IL1RAPL2: variants seen among roughly 807,000 people sequenced by gnomAD.
The protein encoded by IL1RAPL2 is interleukin 1 receptor accessory protein like 2, also known as X-linked interleukin-1 receptor accessory protein-like 2.
IL1RAPL2 carries 3 observed loss-of-function variants against 44.1 expected under a neutral mutation model. The observed-to-expected ratio is 0.07, with a 90% CI of 0.03 to 0.18. IL1RAPL2 has a LOEUF of 0.18. IL1RAPL2 is among the 10% of genes least tolerant of loss of function. The pLI, the probability that IL1RAPL2 is intolerant of heterozygous loss-of-function variation, is 1.00. For missense variants in IL1RAPL2, 391 were observed against 496.4 expected (o/e 0.79, Z 2.02); for synonymous variants, 181 against 178.8 (o/e 1.01, Z -0.10).
intron 6 of IL1RAPL2, among the ~76,000 whole-genome samples, chrX:105,538,014 C>A (rs1018205485): frequency 1.1e-4 from 12 of 106,035 alleles, no homozygotes; most frequent in Non-Finnish European, 1.9e-4. Context: ...CCCTTTTCTG[C>A]AATGCTAATT....
At chrX:104,923,931 C>T (rs899465725) in intron 2 of IL1RAPL2, among the ~76,000 whole-genome samples, 2 of 108,857 alleles carry the variant, frequency 1.8e-5, no homozygotes, top group African/African-American at 6.7e-5. Context: ...TGTCTAAAGA[C>T]ACCTACATGC....
intron 5 of IL1RAPL2, among the ~76,000 whole-genome samples, chrX:105,431,837 C>G (rs1208652582): frequency 9.0e-6 from 1 of 111,263 alleles, no homozygotes; most frequent in African/African-American, 3.3e-5. Flanking sequence ...GAAGCACATG[C>G]AACTCGTGCA....
At chrX:105,173,764 G>A (rs1226409417) in intron 2 of IL1RAPL2, among the ~76,000 whole-genome samples, 1 of 104,710 alleles carries the variant, frequency 9.6e-6, no homozygotes, top group South Asian at 4.3e-4. Flanking sequence ...ACAGAGTTTC[G>A]CTTTGTTGCC....
At chrX:104,603,670 A>G (rs1367080996) in intron 1 of IL1RAPL2, among the ~76,000 whole-genome samples, 1 of 111,894 alleles carries the variant, frequency 8.9e-6, no homozygotes, top group Non-Finnish European at 1.9e-5. Context: ...ACAAGCTTCA[A>G]TAGCTGATTC....
intron 1 of IL1RAPL2, among the ~76,000 whole-genome samples, chrX:104,584,722 G>A (rs1305586854): frequency 9.0e-6 from 1 of 110,677 alleles, no homozygotes; most frequent in Non-Finnish European, 1.9e-5. Context: ...CACCCACTGT[G>A]ATCTATTTAA....
At chrX:105,312,588 C>G (rs1372369022) in intron 5 of IL1RAPL2, among the ~76,000 whole-genome samples, 1 of 111,562 alleles carries the variant, frequency 9.0e-6, no homozygotes, top group African/African-American at 3.3e-5. Flanking sequence ...GAGGAAAGCT[C>G]AGGAATTATA....
At chrX:105,535,605 C>T (rs1019629008) in intron 6 of IL1RAPL2, among the ~76,000 whole-genome samples, 3 of 111,729 alleles carry the variant, frequency 2.7e-5, no homozygotes, top group Admixed American at 1.9e-4. Flanking sequence ...TACTTGGCAA[C>T]GAAAAGGAGC....
intron 6 of IL1RAPL2, among the ~76,000 whole-genome samples, chrX:105,617,850 C>T (rs2037388866): frequency 9.0e-6 from 1 of 111,708 alleles, no homozygotes; most frequent in African/African-American, 3.2e-5. Context: ...TTGACGCTCT[C>T]TTTAAGGGAT....
intron 2 of IL1RAPL2, among the ~76,000 whole-genome samples, chrX:104,954,513 A>C (rs1049356832): frequency 9.0e-6 from 1 of 111,309 alleles, no homozygotes; most frequent in Non-Finnish European, 1.9e-5. Flanking sequence ...CTTTTCTTTT[A>C]TTTTCTTTTT....
chrX:104,915,477 G>A (rs1924391067), intron 2 of IL1RAPL2, among the ~76,000 whole-genome samples: 1 of 111,587 alleles, frequency 9.0e-6, no homozygotes, highest in Admixed American at 9.5e-5. Context: ...CCCTTTGTCA[G>A]ATGAGTAGAT....
chrX:105,356,751 G>T (rs767058848), intron 5 of IL1RAPL2, among the ~76,000 whole-genome samples: 4 of 112,051 alleles, frequency 3.6e-5, no homozygotes, highest in African/African-American at 1.3e-4. Flanking sequence ...TTAAGTTCAG[G>T]AGTTGAAATT....
intron 1 of IL1RAPL2, among the ~76,000 whole-genome samples, chrX:104,582,820 T>TTCTC (rs201583112): frequency 1.4e-4 from 5 of 35,151 alleles, no homozygotes; most frequent in Non-Finnish European, 2.5e-4. Context: ...TCTCCTTTCT[T>TTCTC]TCTCTTTCTT....
chrX:104,764,806 A>T (rs1477319220), intron 2 of IL1RAPL2, among the ~76,000 whole-genome samples: 1 of 112,431 alleles, frequency 8.9e-6, no homozygotes, highest in East Asian at 2.8e-4. Flanking sequence ...TCATCAATTG[A>T]AATGATCACT....
At chrX:105,318,135 G>C (rs866382726) in intron 5 of IL1RAPL2, among the ~76,000 whole-genome samples, 1 of 110,521 alleles carries the variant, frequency 9.0e-6, no homozygotes, top group Non-Finnish European at 1.9e-5. Flanking sequence ...ACCACGCCTG[G>C]CTAATTTTTT....
At chrX:105,712,937 A>G (rs1049171896) in intron 6 of IL1RAPL2, among the ~76,000 whole-genome samples, 2 of 112,156 alleles carry the variant, frequency 1.8e-5, no homozygotes, top group African/African-American at 6.5e-5. Context: ...GCCCCAGGCA[A>G]GTCTGAAACC....
intron 1 of IL1RAPL2, among the ~76,000 whole-genome samples, chrX:104,644,312 C>A (rs1929992310): frequency 9.0e-6 from 1 of 111,436 alleles, no homozygotes; most frequent in African/African-American, 3.3e-5. Context: ...CTAGAATGAA[C>A]TACTTAACTA....
intron 2 of IL1RAPL2, among the ~76,000 whole-genome samples, chrX:105,067,947 C>T (rs1401696499): frequency 8.9e-6 from 1 of 112,015 alleles, no homozygotes; most frequent in African/African-American, 3.2e-5. Context: ...CTGAGGAATA[C>T]ATGAATCATC....
intron 2 of IL1RAPL2, among the ~76,000 whole-genome samples, chrX:105,170,784 G>A (rs754602533): frequency 8.9e-6 from 1 of 112,305 alleles, no homozygotes; most frequent in South Asian, 3.7e-4. Flanking sequence ...AAAGAGTAGT[G>A]TAAAAAGTTC....
chrX:104,732,254 T>TA (rs1436402255), intron 2 of IL1RAPL2, among the ~76,000 whole-genome samples: 1 of 110,588 alleles, frequency 9.0e-6, no homozygotes, highest in Non-Finnish European at 1.9e-5. Flanking sequence ...GATAGTTGAT[T>TA]AAAAAAGGGA....
Sources: gnomAD v4.1 joint callset for allele counts (sites outside exome capture counted in the v4.1 genomes callset) on GRCh38, gnomAD v4.1.1 for gene constraint, MANE v1.5 for transcripts, NCBI Gene and HGNC (gene_info 2026-07-23, HGNC 2026-07-21) for gene names.